RDX: variants seen among roughly 807,000 people sequenced by gnomAD.
RDX encodes radixin, also known as deafness, autosomal recessive 24.
Under a neutral mutation model 83.7 loss-of-function variants are expected in RDX, and 32 were observed. The ratio of observed to expected loss-of-function variants is 0.38; its 90% CI spans 0.29 to 0.51. The LOEUF (loss-of-function observed/expected upper bound fraction) is 0.51, where lower values mean the gene tolerates loss of function less well. Ranked by LOEUF, RDX falls within the 20% of genes least tolerant of loss-of-function variation. The probability of loss-of-function intolerance (pLI) is 0.87; values close to 1 mark genes in which losing one functional copy is unlikely to be tolerated. For missense variants in RDX, 600 were observed against 689.9 expected (o/e 0.87, Z 1.46); for synonymous variants, 229 against 222.7 (o/e 1.03, Z -0.25).
intron 9 of RDX, among the ~76,000 whole-genome samples, chr11:110,253,643 A>G (rs976737869): frequency 1.3e-5 from 2 of 152,254 alleles, no homozygotes; most frequent in South Asian, 2.1e-4. Flanking sequence ...ATTAAGAAAT[A>G]TAAGTCACAA....
chr11:110,283,956 A>T (rs1193264216), intron 1 of RDX, among the ~76,000 whole-genome samples: 3 of 152,214 alleles, frequency 2.0e-5, no homozygotes, highest in African/African-American at 7.2e-5. Flanking sequence ...CTCAGATTCC[A>T]CTCAGTAAAC....
intron 3 of RDX, among the ~76,000 whole-genome samples, chr11:110,266,265 G>A (rs11213332): frequency 0.038 from 5,826 of 151,946 alleles, 373 homozygotes; most frequent in African/African-American, 0.13. Context: ...CCCGGGAAGC[G>A]GAGCTTGCAG....
At chr11:110,254,229 A>T in intron 8 of RDX, 120 bp from the exon 9 acceptor site, 1 of 810,836 alleles carries the variant, frequency 1.2e-6, no homozygotes, top group East Asian at 2.7e-5. Context: ...TAGTTTAGAA[A>T]TAAGAAATCA....
intron 1 of RDX, among the ~76,000 whole-genome samples, chr11:110,286,258 T>C (rs180891128): frequency 3.3e-5 from 5 of 152,318 alleles, no homozygotes; most frequent in Admixed American, 3.3e-4. Context: ...GGCAGCAACA[T>C]ACCCAGCAAG....
downstream of RDX, among the ~76,000 whole-genome samples, chr11:110,228,683 G>A (rs1056439036): frequency 6.6e-6 from 1 of 151,560 alleles, no homozygotes; most frequent in Admixed American, 6.6e-5. Context: ...GATCAATACT[G>A]GGACAGAATA....
chr11:110,223,935 G>A (rs1356929653), intron 14 of RDX, among the ~76,000 whole-genome samples: 3 of 151,944 alleles, frequency 2.0e-5, no homozygotes, highest in Non-Finnish European at 4.4e-5. Flanking sequence ...CCAGGCATGA[G>A]AATTGCTTGA....
Position 110,264,134 on chromosome 11 carries a change from G to C in RDX, c.293C>G (p.Thr98Ser). 13 of 1,613,364 alleles carry C rather than the reference G, an allele frequency of 8.1e-6. No homozygotes were observed. Among genetic ancestry groups the C allele is most frequent in the Non-Finnish European group, 1.1e-5 (13 of 1,179,344 alleles). Residue 98 changes from threonine (T) to serine (S), a missense_variant, in exon 5 of 14, where the codon ACC becomes AGC. Thr to Ser is a moderately conservative substitution (Grantham distance 58, BLOSUM62 1). Coordinates refer to ENST00000645495, the MANE Select transcript of RDX (RefSeq NM_002906.4). ...DVSEELIQEI[T>S]QRLFFLQVKE... ...AACTTGCAAGAAGAAGAGTCTCTGG[G>C]TTATTTCTTGAATTAATTCCTCAGA...
intron 6 of RDX, 83 bp downstream of exon 6, chr11:110,258,023 T>C: frequency 6.8e-7 from 1 of 1,480,934 alleles, no homozygotes; most frequent in Non-Finnish European, 9.4e-7. Flanking sequence ...AACAATCTTT[T>C]GGAAATAATG....
At chr11:110,240,824 G>T (rs1591141260) in intron 10 of RDX, among the ~76,000 whole-genome samples, 1 of 151,212 alleles carries the variant, frequency 6.6e-6, no homozygotes, top group Non-Finnish European at 1.5e-5. Context: ...GGAGGCCGAG[G>T]TGGGCAGATC....
intron 15 of RDX, among the ~76,000 whole-genome samples, chr11:110,189,383 G>C (rs1362943846): frequency 1.3e-5 from 2 of 151,786 alleles, no homozygotes; most frequent in East Asian, 1.9e-4. Context: ...AGTACTTCTG[G>C]ACTATGAAAA....
In RDX at chr11:110,253,987, C is replaced by T; in HGVS notation, c.918G>A (p.Lys306=). The T allele has an allele frequency of 6.2e-7, 1 of 1,613,790 alleles. No homozygotes were observed. Among genetic ancestry groups the T allele is most frequent in the East Asian group, 2.2e-5 (1 of 44,834 alleles). The stretch of plus-strand genomic sequence containing the variant: ...GATGTTTCTCCTCCCTAGCCTGAGC[C>T]TTCATCTGTTGTACTTCAATAGTAT... ...KPDTIEVQQM[K]AQAREEKHQK... The change falls in exon 9 of 14, where the codon AAG becomes AAA. Residue 306 remains lysine, a synonymous_variant. Coordinates refer to ENST00000645495, the MANE Select transcript of RDX (RefSeq NM_002906.4).
At chr11:110,241,501 T>G (rs1453418899) in intron 10 of RDX, among the ~76,000 whole-genome samples, 3 of 152,172 alleles carry the variant, frequency 2.0e-5, no homozygotes, top group Non-Finnish European at 4.4e-5. Flanking sequence ...TTCACAAGGT[T>G]TGCCAGGCTG....
chr11:110,208,726 T>C (rs1483827852), intron 14 of RDX, among the ~76,000 whole-genome samples: 3 of 152,092 alleles, frequency 2.0e-5, no homozygotes, highest in Non-Finnish European at 4.4e-5. Context: ...TGGGAGGCTG[T>C]CAGGCGGATC....
intron 15 of RDX, among the ~76,000 whole-genome samples, chr11:110,187,772 C>T (rs900125975): frequency 5.9e-5 from 9 of 152,354 alleles, no homozygotes; most frequent in African/African-American, 1.4e-4. Context: ...TCTCCCCTTC[C>T]GGGGGTTGAG....
intron 10 of RDX, among the ~76,000 whole-genome samples, chr11:110,238,098 T>G (rs1189865077): frequency 1.3e-5 from 2 of 152,236 alleles, no homozygotes; most frequent in Non-Finnish European, 2.9e-5. Context: ...AAATCTATAA[T>G]ACATTTCAAA....
Position 110,289,129 on chromosome 11 carries a change from T to C in RDX, c.-65+7338A>G, listed in dbSNP as rs1337642325. Among the ~76,000 whole-genome samples, 4 of 151,684 alleles carry C rather than the reference T, an allele frequency of 2.6e-5. No homozygotes were observed. The East Asian group carries it at 7.8e-4, about 29-fold the overall frequency. Reference sequence around the variant, plus strand: ...GGCGCATGCCTGTAATCCCAGCTACTTGAGAAGCTGAGGCAGGAGAATCAC... The same window carrying C: ...GGCGCATGCCTGTAATCCCAGCTACCTGAGAAGCTGAGGCAGGAGAATCAC... On this transcript the variant is annotated intron_variant, in intron 1 of 13. Transcript: ENST00000645495.
chr11:110,218,067 C>T (rs968756226), intron 14 of RDX, among the ~76,000 whole-genome samples: 1 of 152,174 alleles, frequency 6.6e-6, no homozygotes, highest in Non-Finnish European at 1.5e-5. Context: ...ATGGCAAATA[C>T]GGGAACAGAT....
At chr11:110,205,663 G>C (rs1863577340) in intron 14 of RDX, among the ~76,000 whole-genome samples, 1 of 152,134 alleles carries the variant, frequency 6.6e-6, no homozygotes, top group East Asian at 1.9e-4. Context: ...TGTTATATTA[G>C]TAATTAACAA....
At chr11:110,272,369 A>C (rs982941760) in intron 3 of RDX, among the ~76,000 whole-genome samples, 167 bp downstream of exon 3, 1 of 152,260 alleles carries the variant, frequency 6.6e-6, no homozygotes, top group African/African-American at 2.4e-5. Context: ...TGAAAGAATA[A>C]AGAATATCCC....
Sources: gnomAD v4.1 joint callset for allele counts (sites outside exome capture counted in the v4.1 genomes callset) on GRCh38, gnomAD v4.1.1 for gene constraint, MANE v1.5 for transcripts, NCBI Gene and HGNC (gene_info 2026-07-23, HGNC 2026-07-21) for gene names.